Variants in SCN7A observed in about 807,000 individuals in gnomAD.
The protein encoded by SCN7A is sodium channel protein type 7 subunit alpha.
In SCN7A, 138 loss-of-function variants were observed where a neutral mutation model predicts 155.2. The ratio of observed to expected loss-of-function variants is 0.89; its 90% CI spans 0.77 to 1.02. The LOEUF is 1.02. Ranked by LOEUF, SCN7A falls within the 50% of genes least tolerant of loss-of-function variation. SCN7A has a pLI of 0.00. For missense variants in SCN7A, 2,058 were observed against 1,986.6 expected (o/e 1.04, Z -0.68); for synonymous variants, 693 against 649.0 (o/e 1.07, Z -1.03).
intron 15 of SCN7A, among the ~76,000 whole-genome samples, chr2:166,437,622 GT>G (rs1450959786): frequency 6.6e-6 from 1 of 152,214 alleles, no homozygotes; most frequent in African/African-American, 2.4e-5. Context: ...ACACCGGCCT[GT>G]GAAGGCAGCT....
chr2:166,464,767 CTTTCCAAATGATAG>C (rs1702490793), intron 9 of SCN7A, among the ~76,000 whole-genome samples: 1 of 152,134 alleles, frequency 6.6e-6, no homozygotes, highest in African/African-American at 2.4e-5. Flanking sequence ...CCCAAAACTT[CTTTCCAAATGATAG>C]ATTTATATTG....
chr2:166,475,982 C>A (rs1194144547), intron 3 of SCN7A, among the ~76,000 whole-genome samples: 2 of 151,904 alleles, frequency 1.3e-5, no homozygotes, highest in Non-Finnish European at 2.9e-5. Context: ...TCTGTACATG[C>A]AGCAGGGTAC....
intron 17 of SCN7A, among the ~76,000 whole-genome samples, chr2:166,428,446 G>A (rs537725135): frequency 5.5e-4 from 84 of 152,122 alleles, no homozygotes; most frequent in African/African-American, 1.8e-3. Flanking sequence ...GCATGAAAAT[G>A]GGAATTTTTA....
intron 21 of SCN7A, among the ~76,000 whole-genome samples, chr2:166,416,098 C>T (rs553381630): frequency 5.9e-5 from 9 of 152,214 alleles, no homozygotes; most frequent in Admixed American, 2.6e-4. Context: ...GACTGAGATA[C>T]GCCCTGGTCT....
intron 18 of SCN7A, among the ~76,000 whole-genome samples, chr2:166,424,255 ATGTAT>A (rs1393834416): frequency 6.6e-6 from 1 of 152,110 alleles, no homozygotes; most frequent in Admixed American, 6.6e-5. Context: ...ATTTTGTTAC[ATGTAT>A]TTATTTTTCA....
chr2:166,453,676 GA>G (rs908927238), intron 11 of SCN7A, among the ~76,000 whole-genome samples: 29 of 152,222 alleles, frequency 1.9e-4, no homozygotes, highest in South Asian at 6.2e-4. Context: ...AAATTAGGCT[GA>G]AATCCATATT....
intron 15 of SCN7A, 113 bp downstream of exon 15, chr2:166,441,283 T>C (rs1701953742): frequency 1.4e-6 from 1 of 689,776 alleles, no homozygotes. Context: ...AGTGGGTTAC[T>C]CTATTGGACT....
rs113222340 is a variant in SCN7A, at chr2:166,450,379, T to A, written c.1291-2671A>T. Among the ~76,000 whole-genome samples the A allele has an allele frequency of 5.9e-3, 890 of 152,116 alleles. 9 individuals are homozygous for A. The highest frequency in any genetic ancestry group is 0.017 in the African/African-American group (723 of 41,508). ...GACTGCCTATCGCTCACTACCTGGG[T>A]GATAGGATCATTCCTACACCAAACC... On this transcript the variant is annotated intron_variant, in intron 11 of 25. Coordinates refer to ENST00000643258, the MANE Select transcript of SCN7A (RefSeq NM_002976.4).
rs377036725 is a variant in SCN7A, at chr2:166,473,855, C to G, written c.387G>C (p.Leu129=). The G allele has an allele frequency of 3.8e-6, 6 of 1,567,530 alleles. No individual in the cohort carries two copies. The highest frequency in any genetic ancestry group is 2.6e-6 in the Non-Finnish European group (3 of 1,152,946). The part of the protein sequence containing the change: ...FFQLFILISV[L]IDCVFMSLTN... ...TCAGGGACATGAATACGCAATCAAT[C>G]AGGACACTAATTAGAATAAACAGTT... The change falls in exon 5 of 26, where the codon CTG becomes CTC. Residue 129 remains leucine, a synonymous_variant. Coordinates refer to ENST00000643258, the MANE Select transcript of SCN7A (RefSeq NM_002976.4).
rs1177888543 is a variant in SCN7A at position 166,414,271 on chromosome 2, CAT to C, written c.3415-1152_3415-1151del. 4.1e-3 allele frequency among the ~76,000 whole-genome samples: 113 copies of C among 27,760 alleles called. 3 individuals are homozygous for C. The highest frequency in any genetic ancestry group is 0.033 in the Middle Eastern group (1 of 30). 18.2% of individuals were successfully genotyped at this position (27,760 alleles called of 152,430 possible). A position where few individuals can be genotyped will look rare whatever the true frequency, so the allele number is the denominator to read the frequency against. On this transcript the variant is annotated intron_variant, in intron 21 of 25. Transcript: ENST00000643258. ...ATATATATAGATATATATACACACACATATATATATATATACACACACATATA... is the reference window on the plus strand; with the variant it reads ...ATATATATAGATATATATACACACACATATATATATATACACACACATATA...
rs1260167089 is a variant in SCN7A at position 166,407,803 on chromosome 2, T to C, written c.3983-1157A>G. Among the ~76,000 whole-genome samples the C allele has an allele frequency of 3.3e-5, 5 of 151,956 alleles. No individual in the cohort carries two copies. The South Asian group carries it at 1.0e-3, about 31-fold the overall frequency. On this transcript the variant is annotated intron_variant, in intron 25 of 25. Coordinates refer to ENST00000643258, the MANE Select transcript of SCN7A (RefSeq NM_002976.4). ...ACATGTGCAGAACATGCAGGTTTGT[T>C]ACACAGGTATACATGTGCCATGGTG...
chr2:166,413,981 G>GTA (rs556351441), intron 21 of SCN7A, among the ~76,000 whole-genome samples: 5,486 of 53,456 alleles, frequency 0.1, 760 homozygotes, highest in East Asian at 0.2. Flanking sequence ...ATGTGTATGT[G>GTA]TATATATATA....
intron 10 of SCN7A, chr2:166,462,138 C>G: frequency 3.7e-6 from 1 of 269,450 alleles, no homozygotes. Flanking sequence ...ACACTCTCTT[C>G]TCTCTCTCCT....
At position 166,441,527 on chromosome 2, in the gene SCN7A, G is replaced by A. The variant is rs957927995; in HGVS notation, c.2026C>T (p.His676Tyr). ...ATTCGGAACACATTCAGGAAGGAGT[G>A]GAAAAAGTCATGCATGTGCCAGCGT... The part of the protein sequence containing the change: ...LPRWHMHDFF[H>Y]SFLNVFRILC... The change falls in exon 15 of 26, where the codon CAC (histidine) becomes TAC (tyrosine). Residue 676 changes from histidine (H) to tyrosine (Y), a missense_variant. His to Tyr is a moderately conservative substitution (Grantham distance 83). Coordinates refer to ENST00000643258, the MANE Select transcript of SCN7A (RefSeq NM_002976.4). 1 of 1,613,926 alleles carries A rather than the reference G, an allele frequency of 6.2e-7. No individual in the cohort carries two copies. Among genetic ancestry groups the A allele is most frequent in the Non-Finnish European group, 8.5e-7 (1 of 1,179,978 alleles).
At position 166,405,879 on chromosome 2, in the gene SCN7A, T is replaced by C. The variant is rs1701059454; in HGVS notation, c.4750A>G (p.Arg1584Gly). The change falls in exon 26 of 26, where the codon AGA becomes GGA. Residue 1584 changes from arginine to glycine, a missense_variant. Coordinates refer to ENST00000643258, the MANE Select transcript of SCN7A (RefSeq NM_002976.4). ...CLDILLAFTKRVMGQDVRMEK... is the reference protein window; with the variant it reads ...CLDILLAFTKGVMGQDVRMEK... ...ATCCTCACATCTTGACCCATAACTC[T>C]CTTTGTAAAAGCAAGTAAGATATCG... is the stretch of plus-strand genomic sequence containing the variant. The C allele has an allele frequency of 2.5e-6, 4 of 1,613,018 alleles. No individual in the cohort carries two copies. The highest frequency in any genetic ancestry group is 1.3e-5 in the African/African-American group (1 of 74,830).
rs374865237 is a variant in SCN7A at position 166,443,265 on chromosome 2, T to G, written c.1800+238A>C. ...ACTCAGTTACCCTGACCCTGCTTCC[T>G]AAAACTGTATCTCAAATTTGCTGCC... On this transcript the variant is annotated intron_variant, in intron 14 of 25. Coordinates refer to ENST00000643258, the MANE Select transcript of SCN7A (RefSeq NM_002976.4). 3.5e-4 allele frequency among the ~76,000 whole-genome samples: 53 copies of G among 152,306 alleles called. 1 individual carries two copies. In the South Asian group the frequency reaches 9.9e-3, roughly 29 times the overall value.
rs747867849 is a variant in SCN7A at position 166,406,392 on chromosome 2, C to T, written c.4237G>A (p.Asp1413Asn). ...CCAAAGGTTTCAAAATTAGACACAT[C>T]ATTAATTCCAGCTTCTTTTTTAACA... is the stretch of plus-strand genomic sequence containing the variant. Reference protein sequence around the residue: ...AYVKKEAGINDVSNFETFGNS... With the variant: ...AYVKKEAGINNVSNFETFGNS... Residue 1413 changes from aspartate (D) to asparagine (N), a missense_variant, in exon 26 of 26, where the codon GAT (aspartate) becomes AAT (asparagine). Transcript: ENST00000643258. The T allele has an allele frequency of 3.7e-6, 6 of 1,612,888 alleles. No homozygotes were observed. The highest frequency in any genetic ancestry group is 1.3e-5 in the African/African-American group (1 of 74,816).
intron 4 of SCN7A, 116 bp downstream of exon 4, chr2:166,474,110 C>G (rs555580002): frequency 5.5e-6 from 3 of 547,114 alleles, no homozygotes; most frequent in Non-Finnish European, 9.5e-6. Context: ...TTCAATATGA[C>G]CCAACATGAG....
chr2:166,416,731 A>C lies in SCN7A; in HGVS notation c.3390T>G (p.Asn1130Lys). ...CTACTTGAAGCAGAGAAAGGAAACCATTTCCAACATTATCAAAGTTCATTT... is the reference window on the plus strand; with the variant it reads ...CTACTTGAAGCAGAGAAAGGAAACCCTTTCCAACATTATCAAAGTTCATTT... ...NAKMNFDNVG[N>K]GFLSLLQVAT... The change falls in exon 21 of 26, where the codon AAT (asparagine) becomes AAG (lysine). Residue 1130 changes from asparagine to lysine, a missense_variant. Asn to Lys is a moderately conservative substitution (Grantham distance 94). Coordinates refer to ENST00000643258, the MANE Select transcript of SCN7A (RefSeq NM_002976.4). The C allele has an allele frequency of 6.2e-7, 1 of 1,609,340 alleles. No individual in the cohort carries two copies. The highest frequency in any genetic ancestry group is 8.5e-7 in the Non-Finnish European group (1 of 1,177,398).
Sources: allele counts gnomAD v4.1 joint callset (sites outside exome capture counted in the v4.1 genomes callset), GRCh38; gene constraint gnomAD v4.1.1; transcripts MANE v1.5; gene names NCBI Gene and HGNC (gene_info 2026-07-23, HGNC 2026-07-21).